The following SEMA3C variants were observed in gnomAD, a reference collection of about 807,000 sequenced individuals.
SEMA3C encodes semaphorin 3C.
A neutral mutation model predicts 89.4 loss-of-function variants in SEMA3C; 47 were observed. That is an observed-to-expected ratio of 0.53 (90% confidence interval 0.42 to 0.67). SEMA3C has a LOEUF of 0.67. SEMA3C is among the 30% of genes least tolerant of loss of function. SEMA3C has a pLI of 0.00. For synonymous variants in SEMA3C, 310 were observed against 320.2 expected (o/e 0.97, Z 0.34); for missense variants, 839 against 929.1 (o/e 0.90, Z 1.26).
intron 2 of SEMA3C, among the ~76,000 whole-genome samples, chr7:80,869,528 C>A (rs1791008016): frequency 1.3e-5 from 2 of 152,146 alleles, no homozygotes; most frequent in African/African-American, 4.8e-5. Flanking sequence ...CCAGAACTCA[C>A]AACAGAGCCA....
rs1467209172 is a variant in SEMA3C, at chr7:80,789,292, G to A, written c.1354+14C>T. On this transcript the variant is annotated intron_variant, in intron 12 of 17. Coordinates refer to ENST00000265361, the MANE Select transcript of SEMA3C (RefSeq NM_006379.5). Reference sequence around the variant, plus strand: ...TACTACACATTAAAGCATATCTTGGGCTCAAATATTTACCTGTTCCGAGAA... The same window carrying A: ...TACTACACATTAAAGCATATCTTGGACTCAAATATTTACCTGTTCCGAGAA... 1 of 1,601,376 alleles carries A rather than the reference G, an allele frequency of 6.2e-7. No individual in the cohort carries two copies. Among genetic ancestry groups the A allele is most frequent in the African/African-American group, 1.3e-5 (1 of 74,594 alleles).
intron 2 of SEMA3C, among the ~76,000 whole-genome samples, chr7:80,915,062 A>T (rs1001068344): frequency 1.3e-5 from 2 of 152,192 alleles, no homozygotes; most frequent in Non-Finnish European, 2.9e-5. Context: ...AGAGACATCT[A>T]ATCTATTAGG....
intron 11 of SEMA3C, among the ~76,000 whole-genome samples, chr7:80,795,922 C>A (rs1342729548): frequency 6.6e-6 from 1 of 152,208 alleles, no homozygotes; most frequent in East Asian, 1.9e-4. Flanking sequence ...ACATTATCTG[C>A]TCTTGTAACC....
At chr7:80,802,008 G>T (rs562404763) in intron 9 of SEMA3C, among the ~76,000 whole-genome samples, 26 of 152,122 alleles carry the variant, frequency 1.7e-4, no homozygotes, top group African/African-American at 6.3e-4. Context: ...ACCTTCTAAT[G>T]AATTAAGGTG....
At chr7:80,857,566 C>G (rs1001252716) in intron 2 of SEMA3C, among the ~76,000 whole-genome samples, 1 of 151,922 alleles carries the variant, frequency 6.6e-6, no homozygotes, top group Non-Finnish European at 1.5e-5. Flanking sequence ...AATTAGTAGC[C>G]ATAAAGTGCT....
At chr7:80,920,668 A>T (rs1384788313), upstream of SEMA3C, among the ~76,000 whole-genome samples, 1 of 152,226 alleles carries the variant, frequency 6.6e-6, no homozygotes, top group East Asian at 1.9e-4. Flanking sequence ...AAACGTCAAA[A>T]AATTAATATA....
In SEMA3C at chr7:80,769,006, C is replaced by T. The variant is rs377529401; in HGVS notation, c.1355-3763G>A. On this transcript the variant is annotated intron_variant, in intron 12 of 17. Transcript: ENST00000265361. ...TGCTGCAGTTTGTAAGAATCACTACCATTCTATGTGACAGCATAATCTACA... is the reference window on the plus strand; with the variant it reads ...TGCTGCAGTTTGTAAGAATCACTACTATTCTATGTGACAGCATAATCTACA... 1.5e-3 allele frequency among the ~76,000 whole-genome samples: 231 copies of T among 152,288 alleles called. 8 individuals are homozygous for T. The South Asian group carries it at 0.047, about 31-fold the overall frequency.
chr7:80,742,999 G>C lies in SEMA3C; in HGVS notation c.*1895C>G, dbSNP rs1787715920. The C allele has an allele frequency of 6.6e-6, 1 of 151,896 alleles. No individual in the cohort carries two copies. The highest frequency in any genetic ancestry group is 2.4e-5 in the African/African-American group (1 of 41,430). The allele number at this position is 151,896 out of a possible 1,614,324, so 9.4% of individuals were successfully genotyped here. Reference sequence around the variant, plus strand: ...ACTGTCTATCAGTTTGGGCTTATGTGAAATAAAGGGAACTGTGACTCTGAA... The same window carrying C: ...ACTGTCTATCAGTTTGGGCTTATGTCAAATAAAGGGAACTGTGACTCTGAA... On this transcript the variant is annotated 3_prime_UTR_variant, in exon 18 of 18. Transcript: ENST00000265361.
chr7:80,919,294 A>G (rs540793691), upstream of SEMA3C: 455 of 984,030 alleles, frequency 4.6e-4, 2 homozygotes, highest in African/African-American at 7.2e-3. Flanking sequence ...GCCAGACGCA[A>G]GAATGCGCGG....
At chr7:80,870,273 T>C (rs1791024663) in intron 2 of SEMA3C, among the ~76,000 whole-genome samples, 1 of 152,210 alleles carries the variant, frequency 6.6e-6, no homozygotes, top group Non-Finnish European at 1.5e-5. Context: ...GAAAAGTTCC[T>C]TTCTCTTCCA....
At chr7:80,765,487 T>C (rs959619909) in intron 12 of SEMA3C, among the ~76,000 whole-genome samples, 1 of 152,210 alleles carries the variant, frequency 6.6e-6, no homozygotes, top group Non-Finnish European at 1.5e-5. Flanking sequence ...TAGCTACAAC[T>C]ATGAGAGAAG....
At position 80,916,660 on chromosome 7, in the gene SEMA3C, T is replaced by G. The variant is rs781513240; in HGVS notation, c.103+19A>C. On this transcript the variant is annotated intron_variant, in intron 2 of 17. Coordinates refer to ENST00000265361, the MANE Select transcript of SEMA3C (RefSeq NM_006379.5). ...ACTTAAAATAACATTTTTCCCAGAGTGTTTATCAACTCTCTTACCATCAAA... is the reference window on the plus strand; with the variant it reads ...ACTTAAAATAACATTTTTCCCAGAGGGTTTATCAACTCTCTTACCATCAAA... 1.0e-4 allele frequency: 164 copies of G among 1,593,014 alleles called. No homozygotes were observed. Among genetic ancestry groups the G allele is most frequent in the Non-Finnish European group, 1.6e-5 (19 of 1,170,614 alleles).
chr7:80,777,076 T>G (rs1788567571), intron 12 of SEMA3C, among the ~76,000 whole-genome samples: 1 of 152,182 alleles, frequency 6.6e-6, no homozygotes, highest in Non-Finnish European at 1.5e-5. Flanking sequence ...CTCAGGCTTA[T>G]ACATATTTTA....
At chr7:80,860,137 A>G (rs1181027550) in intron 2 of SEMA3C, among the ~76,000 whole-genome samples, 3 of 152,120 alleles carry the variant, frequency 2.0e-5, no homozygotes, top group Non-Finnish European at 4.4e-5. Context: ...TTTTTATCCT[A>G]CTTATTCAGC....
intron 10 of SEMA3C, among the ~76,000 whole-genome samples, chr7:80,800,542 C>A (rs897196909): frequency 2.6e-5 from 4 of 152,076 alleles, no homozygotes; most frequent in Non-Finnish European, 5.9e-5. Flanking sequence ...AAATATCATG[C>A]AATCATTACA....
chr7:80,752,981 A>C (rs1000620479), intron 15 of SEMA3C, among the ~76,000 whole-genome samples: 4 of 152,254 alleles, frequency 2.6e-5, no homozygotes, highest in Non-Finnish European at 4.4e-5. Context: ...CACACAGTAG[A>C]TATTAAACTT....
intron 5 of SEMA3C, among the ~76,000 whole-genome samples, chr7:80,812,267 T>C (rs1334473018): frequency 6.6e-6 from 1 of 152,178 alleles, no homozygotes; most frequent in Non-Finnish European, 1.5e-5. Flanking sequence ...AAAGGTTCTT[T>C]CTGAGCATCC....
At chr7:80,784,230 T>C (rs1335433810) in intron 12 of SEMA3C, among the ~76,000 whole-genome samples, 2 of 150,888 alleles carry the variant, frequency 1.3e-5, no homozygotes, top group Non-Finnish European at 2.9e-5. Flanking sequence ...GTTAATCCTA[T>C]GAGAACCCTT....
intron 12 of SEMA3C, among the ~76,000 whole-genome samples, chr7:80,778,851 C>T (rs1262148456): frequency 6.6e-6 from 1 of 152,202 alleles, no homozygotes; most frequent in East Asian, 1.9e-4. Flanking sequence ...AAGGCCACCA[C>T]AATATCACAT....
Sources: allele counts gnomAD v4.1 joint callset (sites outside exome capture counted in the v4.1 genomes callset), GRCh38; gene constraint gnomAD v4.1.1; transcripts MANE v1.5; gene names NCBI Gene and HGNC (gene_info 2026-07-23, HGNC 2026-07-21).